The following SEC24D variants were observed in gnomAD, a reference collection of about 807,000 sequenced individuals.
SEC24D encodes protein transport protein Sec24D.
SEC24D carries 69 observed loss-of-function variants against 116.9 expected under a neutral mutation model. The observed-to-expected ratio is 0.59, with a 90% CI of 0.49 to 0.72. The LOEUF (loss-of-function observed/expected upper bound fraction) is 0.72, where lower values mean the gene tolerates loss of function less well. SEC24D is among the 30% of genes least tolerant of loss of function. The pLI is 0.00. For missense variants in SEC24D, 1,131 were observed against 1,264.1 expected (o/e 0.89, Z 1.60); for synonymous variants, 405 against 442.8 (o/e 0.91, Z 1.07).
Position 118,835,992 on chromosome 4 carries a change from CT to C in SEC24D, c.-94del, listed in dbSNP as rs1731081177. On this transcript the variant is annotated 5_prime_UTR_variant, in exon 1 of 23. Coordinates refer to ENST00000280551, the MANE Select transcript of SEC24D (RefSeq NM_014822.4). ...CTTCCGAGCGCTGGCGGCTCTGCGC[CT>C]AGTGCCGGCAGCCCTCGGTGGCCGG... 1.3e-5 allele frequency: 2 copies of C among 152,296 alleles called. No individual in the cohort carries two copies. Among genetic ancestry groups the C allele is most frequent in the Admixed American group, 6.5e-5 (1 of 15,288 alleles). 9.4% of individuals were successfully genotyped at this position (152,296 alleles called of 1,614,324 possible).
intron 8 of SEC24D, among the ~76,000 whole-genome samples, chr4:118,791,715 G>A (rs111713365): frequency 6.6e-6 from 1 of 152,132 alleles, no homozygotes; most frequent in African/African-American, 2.4e-5. Context: ...TGGTGGATAC[G>A]GGGTTTCGCC....
intron 8 of SEC24D, among the ~76,000 whole-genome samples, chr4:118,772,314 C>A (rs1727939510): frequency 6.6e-6 from 1 of 152,098 alleles, no homozygotes; most frequent in South Asian, 2.1e-4. Context: ...TACCAGCAGG[C>A]AAGAAAACAA....
intron 4 of SEC24D, 75 bp from the exon 5 acceptor site, chr4:118,815,801 G>A: frequency 6.7e-7 from 1 of 1,494,266 alleles, no homozygotes; most frequent in East Asian, 2.3e-5. Flanking sequence ...GTACATGACA[G>A]AGATGTTTGT....
chr4:118,783,925 A>G (rs1728544413), intron 8 of SEC24D, among the ~76,000 whole-genome samples: 1 of 152,264 alleles, frequency 6.6e-6, no homozygotes, highest in Non-Finnish European at 1.5e-5. Context: ...AAGACTGGCC[A>G]GGCATAGTGG....
In SEC24D at chr4:118,835,965, G is replaced by T. The variant is rs1046626599; in HGVS notation, c.-66C>A. 1.3e-5 allele frequency: 2 copies of T among 152,232 alleles called. No homozygotes were observed. The highest frequency in any genetic ancestry group is 4.8e-5 in the African/African-American group (2 of 41,460). The allele number at this position is 152,232 out of a possible 1,614,324, so 9.4% of individuals were successfully genotyped here. ...CCTGTTCCCGCTCCCGCACCCCGCGGGCTTCCGAGCGCTGGCGGCTCTGCG... is the reference window on the plus strand; with the variant it reads ...CCTGTTCCCGCTCCCGCACCCCGCGTGCTTCCGAGCGCTGGCGGCTCTGCG... On this transcript the variant is annotated 5_prime_UTR_variant, in exon 1 of 23. Transcript: ENST00000280551.
intron 8 of SEC24D, among the ~76,000 whole-genome samples, chr4:118,778,479 T>G (rs948889122): frequency 6.6e-6 from 1 of 152,224 alleles, no homozygotes; most frequent in Non-Finnish European, 1.5e-5. Context: ...TCTGTTTTGG[T>G]ACCAGTACCA....
chr4:118,751,041 A>G (rs939968061), intron 13 of SEC24D, among the ~76,000 whole-genome samples: 1 of 152,088 alleles, frequency 6.6e-6, no homozygotes, highest in Admixed American at 6.6e-5. Context: ...TATTATTACT[A>G]AGCATTTTAT....
At chr4:118,772,128 G>A (rs1727931422) in intron 8 of SEC24D, among the ~76,000 whole-genome samples, 1 of 152,092 alleles carries the variant, frequency 6.6e-6, no homozygotes, top group Admixed American at 6.6e-5. Flanking sequence ...TTTTGTTTTG[G>A]CATCTATATT....
intron 10 of SEC24D, among the ~76,000 whole-genome samples, chr4:118,759,558 C>A (rs1339497463): frequency 6.6e-6 from 1 of 152,186 alleles, no homozygotes; most frequent in African/African-American, 2.4e-5. Flanking sequence ...ACTGAACCAT[C>A]CAGATTGCAA....
intron 9 of SEC24D, among the ~76,000 whole-genome samples, chr4:118,767,428 A>G (rs764825505): frequency 1.3e-5 from 2 of 151,754 alleles, no homozygotes; most frequent in Non-Finnish European, 3.0e-5. Flanking sequence ...GTCTACAAAG[A>G]TAAGAAACAG....
At chr4:118,787,134 T>C (rs1728690770) in intron 8 of SEC24D, among the ~76,000 whole-genome samples, 1 of 152,224 alleles carries the variant, frequency 6.6e-6, no homozygotes. Flanking sequence ...CATAGTACTT[T>C]TTCATAGCAC....
In SEC24D at chr4:118,815,273, G is replaced by A. The variant is rs1730091962; in HGVS notation, c.674-118C>T. 4 of 1,402,992 alleles carry A rather than the reference G, an allele frequency of 2.9e-6. No individual in the cohort carries two copies. In the South Asian group the frequency reaches 4.1e-5, roughly 14 times the overall value. 86.9% of individuals were successfully genotyped at this position (1,402,992 alleles called of 1,614,324 possible). On this transcript the variant is annotated intron_variant, in intron 5 of 22. Transcript: ENST00000280551. ...TGTATTTTTCATCTTATTAAAAAAA[G>A]CAAGGAGTCAAGTATGAGTGTGGTT... is the stretch of plus-strand genomic sequence containing the variant.
chr4:118,735,089 G>A (rs1407611369), intron 19 of SEC24D, among the ~76,000 whole-genome samples: 2 of 152,156 alleles, frequency 1.3e-5, no homozygotes, highest in Non-Finnish European at 2.9e-5. Context: ...TAAGAGTTCA[G>A]AAATCTGTGA....
At chr4:118,745,815 C>G (rs1470329079) in intron 13 of SEC24D, among the ~76,000 whole-genome samples, 1 of 152,180 alleles carries the variant, frequency 6.6e-6, no homozygotes, top group East Asian at 1.9e-4. Flanking sequence ...ATACTGCACA[C>G]TGCTCCAGAG....
Position 118,831,774 on chromosome 4 carries a change from G to A in SEC24D, c.118+1805C>T, listed in dbSNP as rs1730870534. Reference sequence around the variant, plus strand: ...CTGGAGAAATAGATCTGAGAGACAAGCACTTTCTGTGAATGATCCAGCTTA... The same window carrying A: ...CTGGAGAAATAGATCTGAGAGACAAACACTTTCTGTGAATGATCCAGCTTA... On this transcript the variant is annotated intron_variant, in intron 2 of 22. Transcript: ENST00000280551. Among the ~76,000 whole-genome samples the A allele has an allele frequency of 3.9e-5, 6 of 152,216 alleles. No homozygotes were observed. In the South Asian group the frequency reaches 1.0e-3, roughly 26 times the overall value.
intron 15 of SEC24D, among the ~76,000 whole-genome samples, chr4:118,743,458 G>A (rs1170497930): frequency 6.6e-6 from 1 of 152,046 alleles, no homozygotes; most frequent in African/African-American, 2.4e-5. Context: ...TCAAGTCCCT[G>A]ACATAAAATG....
rs1352265867 is a variant in SEC24D, at chr4:118,780,911, T to A, written c.1042-12600A>T. Among the ~76,000 whole-genome samples the A allele has an allele frequency of 3.8e-5, 5 of 131,782 alleles. 1 individual carries two copies. Among genetic ancestry groups the A allele is most frequent in the Non-Finnish European group, 6.4e-5 (4 of 62,522 alleles). 86.5% of individuals were successfully genotyped at this position (131,782 alleles called of 152,430 possible). A position where few individuals can be genotyped will look rare whatever the true frequency, so the allele number is the denominator to read the frequency against. On this transcript the variant is annotated intron_variant, in intron 8 of 22. Transcript: ENST00000280551. ...AGACTAGGATTGCAACCCCTGCTTT[T>A]TTTTTTTTTTTTTTTTTTTTTGCTT...
intron 3 of SEC24D, 137 bp downstream of exon 3, chr4:118,824,483 T>C: frequency 2.2e-6 from 2 of 889,644 alleles, no homozygotes; most frequent in Middle Eastern, 3.3e-4. Flanking sequence ...AGGGCAGTTA[T>C]CTAACAGATC....
At chr4:118,775,298 C>T (rs969193112) in intron 8 of SEC24D, among the ~76,000 whole-genome samples, 12 of 122,204 alleles carry the variant, frequency 9.8e-5, no homozygotes, top group African/African-American at 3.3e-4. Flanking sequence ...CAGGTACCCA[C>T]AAATATACGC....
Sources: allele counts gnomAD v4.1 joint callset (sites outside exome capture counted in the v4.1 genomes callset), GRCh38; gene constraint gnomAD v4.1.1; transcripts MANE v1.5; gene names NCBI Gene and HGNC (gene_info 2026-07-23, HGNC 2026-07-21).